Variants in CDK14 observed in about 807,000 individuals in gnomAD.
CDK14 encodes the protein cyclin-dependent kinase 14.
A neutral mutation model predicts 60.7 loss-of-function variants in CDK14; 34 were observed. That is an observed-to-expected ratio of 0.56 (90% CI 0.43 to 0.75). The LOEUF is 0.75. Among genes scored for constraint, CDK14 ranks in the 30% least tolerant of loss-of-function variants. The probability of loss-of-function intolerance (pLI) is 0.00; values close to 1 mark genes in which losing one functional copy is unlikely to be tolerated. For missense variants in CDK14, 482 were observed against 564.1 expected, an observed-to-expected ratio of 0.85 and a Z score of 1.47; for synonymous variants, 197 against 203.7, an observed-to-expected ratio of 0.97 and a Z score of 0.28.
intron 14 of CDK14, among the ~76,000 whole-genome samples, chr7:91,191,849 A>G (rs1244087969): frequency 6.6e-6 from 1 of 152,100 alleles, no homozygotes; most frequent in Non-Finnish European, 1.5e-5. Context: ...TAAGTGGTAT[A>G]AAATTAAAAT....
chr7:90,804,111 G>C (rs911012723), intron 5 of CDK14, among the ~76,000 whole-genome samples: 3 of 152,146 alleles, frequency 2.0e-5, no homozygotes, highest in Admixed American at 6.6e-5. Flanking sequence ...TTCTTCTCAG[G>C]CTTCCCCAGA....
At chr7:91,107,139 T>C (rs1799326889) in intron 12 of CDK14, among the ~76,000 whole-genome samples, 1 of 152,256 alleles carries the variant, frequency 6.6e-6, no homozygotes, top group African/African-American at 2.4e-5. Context: ...TTTCACGTCC[T>C]GTTACTGCCA....
chr7:91,142,412 G>T (rs1318020656), intron 14 of CDK14, among the ~76,000 whole-genome samples: 1 of 152,152 alleles, frequency 6.6e-6, no homozygotes, highest in Non-Finnish European at 1.5e-5. Flanking sequence ...CTTCTGTGTT[G>T]TTTAACTTTC....
chr7:90,764,265 T>C (rs1001825739), intron 4 of CDK14, among the ~76,000 whole-genome samples: 6 of 152,202 alleles, frequency 3.9e-5, no homozygotes, highest in African/African-American at 1.4e-4. Flanking sequence ...AACTAATCAA[T>C]CTAAAATTCA....
chr7:90,971,007 G>A (rs1035730328), intron 9 of CDK14, among the ~76,000 whole-genome samples: 8 of 151,994 alleles, frequency 5.3e-5, no homozygotes, highest in African/African-American at 1.7e-4. Context: ...GTATACATGT[G>A]CCATGTTGCG....
rs56790315 is a variant in CDK14, at chr7:90,757,209, AGTGTGTGTGT to A, written c.464+9467_464+9476del. 3.6e-3 allele frequency among the ~76,000 whole-genome samples: 432 copies of A among 120,304 alleles called. 1 individual carries two copies. The highest frequency in any genetic ancestry group is 9.3e-3 in the African/African-American group (297 of 31,794). 78.9% of individuals were successfully genotyped at this position (120,304 alleles called of 152,430 possible). ...TGCCTTCTCCACATGGCATTCTTCC[AGTGTGTGTGT>A]GTGTGTGTGTGTGTGTGTGTGTGTG... On this transcript the variant is annotated intron_variant, in intron 4 of 14. Transcript: ENST00000380050.
At chr7:90,669,345 A>G (rs1801053151) in intron 2 of CDK14, among the ~76,000 whole-genome samples, 1 of 151,894 alleles carries the variant, frequency 6.6e-6, no homozygotes, top group African/African-American at 2.4e-5. Context: ...TCTTTGTGAA[A>G]CTCCCTACCC....
rs371840848 is a variant in CDK14 at position 90,860,822 on chromosome 7, C to T, written c.545-2353C>T. 1.1e-4 allele frequency among the ~76,000 whole-genome samples: 17 copies of T among 152,126 alleles called. No individual in the cohort carries two copies. In the East Asian group the frequency reaches 1.5e-3, roughly 14 times the overall value. ...ACATGCATGAGCCACCACGCCTGGC[C>T]GCGTCTCATTCCTTTTTTCAATCAA... On this transcript the variant is annotated intron_variant, in intron 5 of 14. Coordinates refer to ENST00000380050, the MANE Select transcript of CDK14 (RefSeq NM_001287135.2).
At chr7:91,113,402 T>C (rs1255237176) in intron 13 of CDK14, among the ~76,000 whole-genome samples, 2 of 152,212 alleles carry the variant, frequency 1.3e-5, no homozygotes, top group South Asian at 2.1e-4. Context: ...TTATACAGCC[T>C]TTTAAAATTA....
chr7:91,068,535 C>T (rs1456650559), intron 11 of CDK14, among the ~76,000 whole-genome samples: 1 of 152,118 alleles, frequency 6.6e-6, no homozygotes, highest in African/African-American at 2.4e-5. Context: ...ATCTTTGTAA[C>T]CTGGAAATTG....
At position 90,822,550 on chromosome 7, in the gene CDK14, C is replaced by T. The variant is rs76685993; in HGVS notation, c.544+31898C>T. ...GTCCTGATGCCCAGTGCTGTGCTCC[C>T]CTCCACTCCTTTTGCTGCCCAGTAA... On this transcript the variant is annotated intron_variant, in intron 5 of 14. Coordinates refer to ENST00000380050, the MANE Select transcript of CDK14 (RefSeq NM_001287135.2). 9.7e-3 allele frequency among the ~76,000 whole-genome samples: 1,477 copies of T among 152,200 alleles called. 33 individuals are homozygous for T. Among genetic ancestry groups the T allele is most frequent in the African/African-American group, 0.031 (1,303 of 41,506 alleles).
chr7:90,893,596 T>A (rs1792206580), intron 6 of CDK14, among the ~76,000 whole-genome samples: 1 of 152,160 alleles, frequency 6.6e-6, no homozygotes, highest in East Asian at 1.9e-4. Context: ...AAGGGTCACA[T>A]AATCCAATGA....
At chr7:90,732,967 G>A (rs1802932339) in intron 3 of CDK14, among the ~76,000 whole-genome samples, 1 of 151,874 alleles carries the variant, frequency 6.6e-6, no homozygotes, top group African/African-American at 2.4e-5. Flanking sequence ...GCTTTCTCTT[G>A]TGGGCATTTA....
chr7:90,708,305 T>C (rs1466991397), intron 2 of CDK14, among the ~76,000 whole-genome samples: 2 of 152,076 alleles, frequency 1.3e-5, no homozygotes, highest in Non-Finnish European at 1.5e-5. Context: ...AAATAAGAAG[T>C]GCTGTTGGTT....
At chr7:90,863,616 G>A (rs1039579123) in intron 6 of CDK14, among the ~76,000 whole-genome samples, 1 of 150,416 alleles carries the variant, frequency 6.6e-6, no homozygotes, top group Non-Finnish European at 1.5e-5. Context: ...AATAAGAATG[G>A]TTTTTTATTT....
intron 6 of CDK14, among the ~76,000 whole-genome samples, chr7:90,869,627 A>G (rs575659290): frequency 6.6e-6 from 1 of 152,360 alleles, no homozygotes; most frequent in South Asian, 2.1e-4. Flanking sequence ...TTAAGAATCA[A>G]GAGACCAGTC....
chr7:90,919,381 A>C (rs1232745762), intron 8 of CDK14, among the ~76,000 whole-genome samples: 1 of 152,260 alleles, frequency 6.6e-6, no homozygotes, highest in African/African-American at 2.4e-5. Context: ...TTTTCATTGT[A>C]GTAGGTAAGT....
At chr7:90,961,744 T>A (rs1025836862) in intron 9 of CDK14, among the ~76,000 whole-genome samples, 11 of 152,162 alleles carry the variant, frequency 7.2e-5, no homozygotes, top group African/African-American at 2.7e-4. Context: ...CTGGGGACAG[T>A]CAGAAGGGCA....
chr7:90,780,593 A>T (rs1291222132), intron 4 of CDK14, among the ~76,000 whole-genome samples: 1 of 119,468 alleles, frequency 8.4e-6, no homozygotes, highest in Non-Finnish European at 1.6e-5. Flanking sequence ...ACCCCACAAC[A>T]TTCCCCAGAG....
Sources: allele counts gnomAD v4.1 joint callset (sites outside exome capture counted in the v4.1 genomes callset), GRCh38; gene constraint gnomAD v4.1.1; transcripts MANE v1.5; gene names NCBI Gene and HGNC (gene_info 2026-07-23, HGNC 2026-07-21).